Variants in SMG7 observed in about 807,000 individuals in gnomAD.
SMG7 encodes SMG7 nonsense mediated mRNA decay factor, also known as nonsense-mediated mRNA decay factor SMG7.
Under a neutral mutation model 148.2 loss-of-function variants are expected in SMG7, and 34 were observed. The ratio of observed to expected loss-of-function variants is 0.23; its 90% CI spans 0.17 to 0.31. The LOEUF is 0.31. SMG7 is among the 10% of genes least tolerant of loss of function. SMG7 has a pLI of 1.00. For synonymous variants in SMG7, 492 were observed against 515.1 expected (o/e 0.96, Z 0.61); for missense variants, 1,114 against 1,408.4 (o/e 0.79, Z 3.35).
chr1:183,512,807 T>C (rs1662446253), intron 1 of SMG7, 30 bp from the exon 2 acceptor site: 3 of 1,446,552 alleles, frequency 2.1e-6, no homozygotes, highest in Non-Finnish European at 2.8e-6. Context: ...TAACTGATAC[T>C]CTTTTTTTTT....
chr1:183,514,363 A>G (rs1662985201), intron 2 of SMG7, among the ~76,000 whole-genome samples: 1 of 152,176 alleles, frequency 6.6e-6, no homozygotes, highest in Non-Finnish European at 1.5e-5. Flanking sequence ...ATCTTGTTCA[A>G]GGAAAAGTGT....
intron 22 of SMG7, among the ~76,000 whole-genome samples, chr1:183,551,500 G>A (rs1671042909): frequency 6.6e-6 from 1 of 152,142 alleles, no homozygotes; most frequent in Non-Finnish European, 1.5e-5. Flanking sequence ...CAAAATAAGA[G>A]TATCTAATTT....
rs761699843 is a variant in SMG7 at position 183,551,108 on chromosome 1, A to G, written c.3368A>G (p.Gln1123Arg). ...TCATCCTCTGAGAGCAGTTGGCATC[A>G]GGCCAGCACTCCGAGTGGCACCTGG... ...ATSSSESSWH[Q>R]ASTPSGTWTG... Residue 1123 changes from glutamine to arginine, a missense_variant, in exon 22 of 23, where the codon CAG becomes CGG. Physicochemically the swap from Gln to Arg is conservative, Grantham distance 43. Transcript: ENST00000688051. The G allele has an allele frequency of 2.7e-5, 43 of 1,611,374 alleles. No homozygotes were observed. Among genetic ancestry groups the G allele is most frequent in the Non-Finnish European group, 3.5e-5 (41 of 1,179,354 alleles).
chr1:183,475,814 G>A (rs2102003410), intron 1 of SMG7, among the ~76,000 whole-genome samples: 1 of 152,252 alleles, frequency 6.6e-6, no homozygotes, highest in Admixed American at 6.5e-5. Flanking sequence ...GACATGGTAG[G>A]GAAGACTTCC....
chr1:183,550,803 A>T lies in SMG7; in HGVS notation c.3186A>T (p.Leu1062=). The part of the protein sequence containing the change: ...QSPHSSNPSS[L]PSSPPTHNHN... ...CTCATTCCTCTAACCCAAGCAGCCT[A>T]CCCAGCTCTCCTCCAACACACAACC... Residue 1062 remains leucine (L), a synonymous_variant, in exon 21 of 23, where the codon CTA becomes CTT. Transcript: ENST00000688051. The T allele has an allele frequency of 6.2e-7, 1 of 1,614,114 alleles. No individual in the cohort carries two copies. Among genetic ancestry groups the T allele is most frequent in the Non-Finnish European group, 8.5e-7 (1 of 1,179,990 alleles).
chr1:183,491,705 A>G (rs1657072056), intron 1 of SMG7, among the ~76,000 whole-genome samples: 1 of 152,098 alleles, frequency 6.6e-6, no homozygotes, highest in Non-Finnish European at 1.5e-5. Flanking sequence ...TTTATCTATC[A>G]TGGATTGGTG....
intron 1 of SMG7, among the ~76,000 whole-genome samples, chr1:183,502,897 CTA>C (rs1266836250): frequency 1.3e-5 from 2 of 152,178 alleles, no homozygotes; most frequent in Non-Finnish European, 2.9e-5. Flanking sequence ...GAATTAGTAA[CTA>C]TTGCTACAGC....
At position 183,513,611 on chromosome 1, in the gene SMG7, C is replaced by T. The variant is rs577585659; in HGVS notation, c.61+743C>T. On this transcript the variant is annotated intron_variant, in intron 2 of 22. Coordinates refer to ENST00000688051, the MANE Select transcript of SMG7 (RefSeq NM_001375584.1). ...GGTCTCGAACTCCTGACTTCATGATCCTCCTGCCTCAGCCTCCCAAAGTGC... is the reference window on the plus strand; with the variant it reads ...GGTCTCGAACTCCTGACTTCATGATTCTCCTGCCTCAGCCTCCCAAAGTGC... 2.0e-5 allele frequency among the ~76,000 whole-genome samples: 3 copies of T among 152,086 alleles called. No homozygotes were observed. In the South Asian group the frequency reaches 6.2e-4, roughly 32 times the overall value.
intron 1 of SMG7, among the ~76,000 whole-genome samples, chr1:183,503,623 C>T (rs1446502835): frequency 5.3e-5 from 8 of 152,202 alleles, no homozygotes. Context: ...CAAAAGGGAT[C>T]TCATGAAGCA....
chr1:183,473,606 TG>T, intron 1 of SMG7: 1 of 317,154 alleles, frequency 3.2e-6, no homozygotes, highest in Non-Finnish European at 4.6e-6. Flanking sequence ...AGAGGTAAAG[TG>T]GGTCAAAAAT....
At chr1:183,526,524 T>C (rs1665901593) in intron 4 of SMG7, 72 bp from the exon 5 acceptor site, 7 of 963,938 alleles carry the variant, frequency 7.3e-6, no homozygotes, top group Non-Finnish European at 1.1e-5. Flanking sequence ...TAGGTACACA[T>C]CTTACAGTTT....
At chr1:183,523,983 TG>T (rs1254762570) in intron 4 of SMG7, among the ~76,000 whole-genome samples, 1 of 151,306 alleles carries the variant, frequency 6.6e-6, no homozygotes, top group African/African-American at 2.4e-5. Flanking sequence ...ATATTTTTTT[TG>T]TTCCTGCCCT....
At chr1:183,550,240 G>A (rs1384936549) in intron 20 of SMG7, among the ~76,000 whole-genome samples, 1 of 151,984 alleles carries the variant, frequency 6.6e-6, no homozygotes, top group Non-Finnish European at 1.5e-5. Flanking sequence ...CAGAAAAATT[G>A]CACTTTTTTT....
At chr1:183,476,117 T>G (rs1464735238) in intron 1 of SMG7, among the ~76,000 whole-genome samples, 6 of 152,182 alleles carry the variant, frequency 3.9e-5, no homozygotes, top group African/African-American at 1.4e-4. Context: ...ATCATTCCAT[T>G]TAAAGTCTGC....
In SMG7 at chr1:183,542,385, AG is replaced by A; in HGVS notation, c.1727del (p.Gly576GlufsTer2). The A allele has an allele frequency of 6.2e-7, 1 of 1,614,114 alleles. No individual in the cohort carries two copies. Among genetic ancestry groups the A allele is most frequent in the Non-Finnish European group, 8.5e-7 (1 of 1,179,944 alleles). ...AAGAGGTGAGAAGGGACTATAGCAAAGGAATAACTGTAACTAAGAATGATGG... is the reference window on the plus strand; with the variant it reads ...AAGAGGTGAGAAGGGACTATAGCAAAGAATAACTGTAACTAAGAATGATGG... Reference protein sequence around the residue: ...PKEVRRDYSKGITVTKNDGKK... With the variant: ...PKEVRRDYSKXITVTKNDGKK... On this transcript the variant is annotated frameshift_variant, in exon 14 of 23. Coordinates refer to ENST00000688051, the MANE Select transcript of SMG7 (RefSeq NM_001375584.1). LOFTEE classifies it high-confidence loss of function.
chr1:183,507,974 T>C, intron 1 of SMG7: 1 of 156,332 alleles, frequency 6.4e-6, no homozygotes, highest in South Asian at 2.0e-4. Context: ...AGTGTTATTT[T>C]GTTATTGAAA....
intron 4 of SMG7, among the ~76,000 whole-genome samples, chr1:183,523,864 A>G (rs145788831): frequency 2.1e-3 from 321 of 151,182 alleles, no homozygotes; most frequent in African/African-American, 7.2e-3. Flanking sequence ...CTGTTTTTTC[A>G]TTACCTATTG....
At chr1:183,543,172 A>G (rs1393534231) in intron 14 of SMG7, among the ~76,000 whole-genome samples, 2 of 152,102 alleles carry the variant, frequency 1.3e-5, no homozygotes, top group African/African-American at 4.8e-5. Flanking sequence ...AATAGAAAAG[A>G]TGGTTTCATG....
intron 1 of SMG7, among the ~76,000 whole-genome samples, chr1:183,474,133 T>C (rs1651483862): frequency 1.3e-5 from 2 of 152,220 alleles, no homozygotes; most frequent in African/African-American, 4.8e-5. Context: ...CAAATAAATA[T>C]AGCTATGACA....
Sources: gnomAD v4.1 joint callset for allele counts (sites outside exome capture counted in the v4.1 genomes callset) on GRCh38, gnomAD v4.1.1 for gene constraint, MANE v1.5 for transcripts, NCBI Gene and HGNC (gene_info 2026-07-23, HGNC 2026-07-21) for gene names.